Variants in TSHB observed in about 807,000 individuals in gnomAD.
TSHB encodes the protein thyrotropin subunit beta.
TSHB carries 9 observed loss-of-function variants against 9.3 expected under a neutral mutation model. The observed-to-expected ratio is 0.97, with a 90% CI of 0.58 to 1.69. The LOEUF is 1.69. Among genes scored for constraint, TSHB ranks in the 40% most tolerant of loss-of-function variants. The pLI, the probability that TSHB is intolerant of heterozygous loss-of-function variation, is 0.00. For synonymous variants in TSHB, 57 were observed against 57.2 expected, an observed-to-expected ratio of 1.00 and a Z score of 0.01; for missense variants, 182 against 168.5, an observed-to-expected ratio of 1.08 and a Z score of -0.44.
At position 115,033,538 on chromosome 1, in the gene TSHB, G is replaced by A; in HGVS notation, c.162+14G>A. On this transcript the variant is annotated intron_variant, in intron 2 of 2. Coordinates refer to ENST00000256592, the MANE Select transcript of TSHB (RefSeq NM_000549.5). ...TGTATGACACGGGTATGTAGTTCAT[G>A]TCACTTCTTTTGGCTGTAAATTATA... The A allele has an allele frequency of 1.2e-6, 2 of 1,610,162 alleles. No homozygotes were observed. Among genetic ancestry groups the A allele is most frequent in the Non-Finnish European group, 8.5e-7 (1 of 1,176,524 alleles).
rs190110651 is a variant in TSHB, at chr1:115,034,066, G to A, written c.256G>A (p.Gly86Arg). The A allele has an allele frequency of 6.7e-5, 108 of 1,613,760 alleles. 1 individual carries two copies. In the Admixed American group the frequency reaches 9.7e-4, roughly 14 times the overall value. The stretch of plus-strand genomic sequence containing the variant: ...CATCTACAGGACTGTAGAAATACCA[G>A]GATGCCCACTCCATGTTGCTCCCTA... ...DFIYRTVEIP[G>R]CPLHVAPYFS... Residue 86 changes from glycine (G) to arginine (R), a missense_variant, in exon 3 of 3, where the codon GGA becomes AGA. Coordinates refer to ENST00000256592, the MANE Select transcript of TSHB (RefSeq NM_000549.5).
Position 115,034,015 on chromosome 1 carries a change from C to G in TSHB, c.205C>G (p.Gln69Glu). ...KLFLPKYALS[Q>E]DVCTYRDFIY... ...GTTTCTTCCCAAATATGCTCTGTCC[C>G]AGGATGTTTGCACATATAGAGACTT... The change falls in exon 3 of 3, where the codon CAG (glutamine) becomes GAG (glutamate). Residue 69 changes from glutamine to glutamate, a missense_variant. Physicochemically the swap from Gln to Glu is conservative, Grantham distance 29. Coordinates refer to ENST00000256592, the MANE Select transcript of TSHB (RefSeq NM_000549.5). The G allele has an allele frequency of 6.2e-7, 1 of 1,613,700 alleles. No individual in the cohort carries two copies. The highest frequency in any genetic ancestry group is 8.5e-7 in the Non-Finnish European group (1 of 1,179,694).
Position 115,033,457 on chromosome 1 carries a change from A to C in TSHB, c.95A>C (p.Glu32Ala), listed in dbSNP as rs926850907. 2 of 1,613,022 alleles carry C rather than the reference A, an allele frequency of 1.2e-6. No homozygotes were observed. Among genetic ancestry groups the C allele is most frequent in the Non-Finnish European group, 1.7e-6 (2 of 1,179,162 alleles). The change falls in exon 2 of 3, where the codon GAA becomes GCA. Residue 32 changes from glutamate to alanine, a missense_variant. By Grantham distance (107) the Glu-to-Ala change is moderately radical (BLOSUM62 -1). Coordinates refer to ENST00000256592, the MANE Select transcript of TSHB (RefSeq NM_000549.5). ...CIPTEYTMHI[E>A]RRECAYCLTI... is the part of the protein sequence containing the mutation. ...CCAACTGAGTATACAATGCACATCG[A>C]AAGGAGAGAGTGTGCTTATTGCCTA...
chr1:115,031,004 T>TAATC (rs148889961), intron 1 of TSHB, among the ~76,000 whole-genome samples: 65,247 of 151,250 alleles, frequency 0.43, 14,528 homozygotes, highest in East Asian at 0.49. Flanking sequence ...CACTAACTCT[T>TAATC]AATCAATCAA....
At chr1:115,030,801 A>G (rs367683719) in intron 1 of TSHB, among the ~76,000 whole-genome samples, 28 of 152,030 alleles carry the variant, frequency 1.8e-4, no homozygotes, top group African/African-American at 6.5e-4. Context: ...AGAGGAAGGG[A>G]TTAACTAACG....
Position 115,033,855 on chromosome 1 carries a change from T to A in TSHB, c.163-118T>A, listed in dbSNP as rs988647600. 3.5e-6 allele frequency: 5 copies of A among 1,439,210 alleles called. No individual in the cohort carries two copies. In the African/African-American group the frequency reaches 5.6e-5, roughly 16 times the overall value. The allele number at this position is 1,439,210 out of a possible 1,614,324, so 89.2% of individuals were successfully genotyped here. A position where few individuals can be genotyped will look rare whatever the true frequency, so the allele number is the denominator to read the frequency against. ...GTATTGGAGAATGGGGCTAAGCAAT[T>A]CTTTCCCAGTTGTATTTGTGATGAA... On this transcript the variant is annotated intron_variant, in intron 2 of 2. Coordinates refer to ENST00000256592, the MANE Select transcript of TSHB (RefSeq NM_000549.5).
chr1:115,032,772 TATG>T (rs1403617181), intron 1 of TSHB, among the ~76,000 whole-genome samples: 5 of 152,096 alleles, frequency 3.3e-5, no homozygotes, highest in Non-Finnish European at 5.9e-5. Context: ...ATATATCCAA[TATG>T]ATATCATATC....
chr1:115,033,361 GCATGAC>G lies in TSHB; in HGVS notation c.-1_5del. Reference sequence around the variant, plus strand: ...GTTCTTTAATTTTATCTTTGATTTAGCATGACTGCTCTCTTTCTGATGTCCATGCTT... The same window carrying G: ...GTTCTTTAATTTTATCTTTGATTTAGTGCTCTCTTTCTGATGTCCATGCTT... On this transcript the variant is annotated start_lost and splice_region_variant and 5_prime_UTR_variant, in exon 2 of 3. Transcript: ENST00000256592. 6.2e-7 allele frequency: 1 copy of G among 1,613,002 alleles called. No homozygotes were observed. Among genetic ancestry groups the G allele is most frequent in the Non-Finnish European group, 8.5e-7 (1 of 1,179,284 alleles).
At position 115,034,297 on chromosome 1, in the gene TSHB, A is replaced by G; in HGVS notation, c.*70A>G. 6.5e-7 allele frequency: 1 copy of G among 1,526,790 alleles called. No homozygotes were observed. The highest frequency in any genetic ancestry group is 1.1e-5 in the South Asian group (1 of 89,048). 94.6% of individuals were successfully genotyped at this position (1,526,790 alleles called of 1,614,324 possible). ...AAAGCTAATAAAAATATTATGTTTC[A>G]CATTATCTTCTGTTCATTTTGAGTA... On this transcript the variant is annotated 3_prime_UTR_variant, in exon 3 of 3. Transcript: ENST00000256592.
intron 2 of TSHB, 114 bp downstream of exon 2, chr1:115,033,638 G>T: frequency 9.7e-7 from 1 of 1,029,870 alleles, no homozygotes; most frequent in South Asian, 1.3e-5. Context: ...AAATCTAATG[G>T]TTATTGGCTC....
chr1:115,033,921 A>C, intron 2 of TSHB, 52 bp from the exon 3 acceptor site: 1 of 1,599,426 alleles, frequency 6.3e-7, no homozygotes, highest in Non-Finnish European at 8.5e-7. Context: ...TATTATCTAT[A>C]TGTTTCCTAA....
At chr1:115,033,695 G>A (rs1396155224) in intron 2 of TSHB, 171 bp downstream of exon 2, 2 of 222,702 alleles carry the variant, frequency 9.0e-6, no homozygotes, top group Non-Finnish European at 1.5e-5. Flanking sequence ...AATCTACTCA[G>A]CACAATGGAT....
In TSHB at chr1:115,034,042, A is replaced by T. The variant is rs777593158; in HGVS notation, c.232A>T (p.Ile78Phe). The change falls in exon 3 of 3, where the codon ATC becomes TTC. Residue 78 changes from isoleucine (I) to phenylalanine (F), a missense_variant. By Grantham distance (21) the Ile-to-Phe change is conservative. Transcript: ENST00000256592. ...SQDVCTYRDF[I>F]YRTVEIPGCP... ...GGATGTTTGCACATATAGAGACTTC[A>T]TCTACAGGACTGTAGAAATACCAGG... 6.2e-7 allele frequency: 1 copy of T among 1,613,836 alleles called. No homozygotes were observed. The highest frequency in any genetic ancestry group is 2.2e-5 in the East Asian group (1 of 44,870).
intron 1 of TSHB, among the ~76,000 whole-genome samples, chr1:115,032,123 T>C (rs1050458930): frequency 1.3e-5 from 2 of 152,064 alleles, no homozygotes. Flanking sequence ...TTTCCGTTTG[T>C]GTTTGTCAGT....
At chr1:115,032,365 A>G (rs1470512170) in intron 1 of TSHB, among the ~76,000 whole-genome samples, 3 of 152,172 alleles carry the variant, frequency 2.0e-5, no homozygotes, top group Non-Finnish European at 2.9e-5. Context: ...TTTAGTGTAT[A>G]TAGCTTAAAG....
intron 2 of TSHB, 141 bp from the exon 3 acceptor site, chr1:115,033,832 A>G: frequency 4.1e-6 from 5 of 1,214,380 alleles, no homozygotes; most frequent in Non-Finnish European, 4.7e-6. Flanking sequence ...TTAAGTTGGT[A>G]TTGGAGAATG....
intron 1 of TSHB, among the ~76,000 whole-genome samples, chr1:115,032,796 A>G (rs1319054627): frequency 2.6e-5 from 4 of 152,170 alleles, no homozygotes; most frequent in African/African-American, 4.8e-5. Flanking sequence ...CAATATAACT[A>G]TATCCAATCA....
intron 1 of TSHB, 149 bp downstream of exon 1, chr1:115,030,009 A>G (rs1293251028): frequency 1.3e-5 from 2 of 152,516 alleles, no homozygotes; most frequent in African/African-American, 4.8e-5. Context: ...TTACTGCTCC[A>G]AATTGTTTAG....
At chr1:115,030,838 T>C (rs1421279170) in intron 1 of TSHB, among the ~76,000 whole-genome samples, 1 of 152,052 alleles carries the variant, frequency 6.6e-6, no homozygotes, top group Admixed American at 6.6e-5. Flanking sequence ...TATACAGCTA[T>C]GTGATCTTTC....
Sources: allele counts gnomAD v4.1 joint callset (sites outside exome capture counted in the v4.1 genomes callset), GRCh38; gene constraint gnomAD v4.1.1; transcripts MANE v1.5; gene names NCBI Gene and HGNC (gene_info 2026-07-23, HGNC 2026-07-21).